DOCK3: variants seen among roughly 807,000 people sequenced by gnomAD.
The protein encoded by DOCK3 is dedicator of cytokinesis protein 3.
In DOCK3, 60 loss-of-function variants were observed where a neutral mutation model predicts 265.6. The ratio of observed to expected loss-of-function variants is 0.23; its 90% CI spans 0.18 to 0.28. The LOEUF is 0.28. Among genes scored for constraint, DOCK3 ranks in the 10% least tolerant of loss-of-function variants. The probability of loss-of-function intolerance (pLI) is 1.00; values close to 1 mark genes in which losing one functional copy is unlikely to be tolerated. For synonymous variants in DOCK3, 881 were observed against 938.0 expected (o/e 0.94, Z 1.11); for missense variants, 1,981 against 2,594.3 (o/e 0.76, Z 5.14).
chr3:51,333,380 C>T, intron 35 of DOCK3, 127 bp downstream of exon 35: 1 of 924,478 alleles, frequency 1.1e-6, no homozygotes, highest in Non-Finnish European at 1.7e-6. Context: ...TATTGGGTGC[C>T]ATCACCAGTC....
chr3:50,741,529 G>GT (rs2039027423), intron 1 of DOCK3, among the ~76,000 whole-genome samples: 1 of 149,204 alleles, frequency 6.7e-6, no homozygotes. Context: ...GCAGTGTTTG[G>GT]TTTTTTGTTC....
chr3:50,924,958 C>T (rs569536436), intron 4 of DOCK3, among the ~76,000 whole-genome samples: 1 of 152,304 alleles, frequency 6.6e-6, no homozygotes, highest in East Asian at 1.9e-4. Context: ...GGCAAGGATA[C>T]CCTCATCAGC....
intron 5 of DOCK3, among the ~76,000 whole-genome samples, chr3:50,977,545 A>G (rs199606759): frequency 1.3e-5 from 2 of 152,278 alleles, no homozygotes; most frequent in East Asian, 3.9e-4. Flanking sequence ...CTTTGAGGGT[A>G]ACCCGACCTT....
intron 5 of DOCK3, among the ~76,000 whole-genome samples, chr3:50,976,070 T>C (rs2077439845): frequency 6.6e-6 from 1 of 151,778 alleles, no homozygotes; most frequent in Non-Finnish European, 1.5e-5. Context: ...TCTATCTTTT[T>C]TGTTGATCCT....
At chr3:51,312,338 A>G in intron 29 of DOCK3, 138 bp from the exon 30 acceptor site, 2 of 896,910 alleles carry the variant, frequency 2.2e-6, no homozygotes. Flanking sequence ...TCTTGTTTGC[A>G]AAGATATTTA....
At chr3:51,064,666 C>T in intron 6 of DOCK3, 70 bp downstream of exon 6, 1 of 1,557,864 alleles carries the variant, frequency 6.4e-7, no homozygotes, top group Non-Finnish European at 8.8e-7. Context: ...GGAGTTTGCA[C>T]CTATACAAAG....
At chr3:51,313,533 G>A (rs977219133) in intron 31 of DOCK3, among the ~76,000 whole-genome samples, 1 of 152,144 alleles carries the variant, frequency 6.6e-6, no homozygotes, top group African/African-American at 2.4e-5. Context: ...AGAATTTCTG[G>A]GTTGCCCTGG....
chr3:51,266,819 T>G (rs1242767209), intron 23 of DOCK3, among the ~76,000 whole-genome samples: 1 of 152,140 alleles, frequency 6.6e-6, no homozygotes, highest in African/African-American at 2.4e-5. Context: ...AAGCCAAAAT[T>G]GACAAATGGA....
intron 1 of DOCK3, among the ~76,000 whole-genome samples, chr3:50,680,337 G>C (rs1335736084): frequency 6.7e-6 from 1 of 150,094 alleles, no homozygotes; most frequent in Non-Finnish European, 1.5e-5. Flanking sequence ...TCAGCCTTCT[G>C]AGTAGCTGGG....
At chr3:51,281,041 C>A (rs995836768) in intron 27 of DOCK3, among the ~76,000 whole-genome samples, 1 of 152,036 alleles carries the variant, frequency 6.6e-6, no homozygotes, top group African/African-American at 2.4e-5. Context: ...TCCTTCCTCC[C>A]ATTTTCCCAA....
At chr3:50,749,770 A>G (rs1226805004) in intron 1 of DOCK3, among the ~76,000 whole-genome samples, 1 of 152,226 alleles carries the variant, frequency 6.6e-6, no homozygotes, top group African/African-American at 2.4e-5. Flanking sequence ...ATGTCAGATA[A>G]AAAGTCTTGG....
At chr3:51,243,559 G>T (rs993534711) in intron 21 of DOCK3, among the ~76,000 whole-genome samples, 9 of 151,938 alleles carry the variant, frequency 5.9e-5, no homozygotes, top group Admixed American at 2.0e-4. Flanking sequence ...TTAAAAAGAG[G>T]TTATTTGTTT....
In DOCK3 at chr3:51,362,588, C is replaced by G. The variant is rs532919104; in HGVS notation, c.5207C>G (p.Ser1736Cys). The change falls in exon 49 of 53, where the codon TCC (serine) becomes TGC (cysteine). Residue 1736 changes from serine (S) to cysteine (C), a missense_variant. Ser to Cys is a moderately radical substitution (Grantham distance 112). Around this residue, in one of 4 missense-constraint regions of DOCK3, gnomAD observed 1,357 missense variants for 1,866.8 expected, o/e 0.73. Coordinates refer to ENST00000266037, the MANE Select transcript of DOCK3 (RefSeq NM_004947.5). ...SVTNVSVLSSSQASPSSSSLS... is the reference protein window; with the variant it reads ...SVTNVSVLSSCQASPSSSSLS... The stretch of plus-strand genomic sequence containing the variant: ...ACCAACGTCTCTGTTCTGTCCTCGT[C>G]CCAGGCAAGCCCTTCTTCCTCCAGC... 9 of 1,614,024 alleles carry G rather than the reference C, an allele frequency of 5.6e-6. No homozygotes were observed. The East Asian group carries it at 2.0e-4, about 36-fold the overall frequency.
At chr3:50,796,759 A>ATT (rs904043037) in intron 2 of DOCK3, among the ~76,000 whole-genome samples, 2 of 146,702 alleles carry the variant, frequency 1.4e-5, no homozygotes, top group Admixed American at 1.4e-4. Flanking sequence ...TGACCTTTAG[A>ATT]TTTTTTTTTT....
At chr3:51,079,792 A>G (rs2082167238) in intron 7 of DOCK3, among the ~76,000 whole-genome samples, 1 of 152,306 alleles carries the variant, frequency 6.6e-6, no homozygotes, top group Admixed American at 6.5e-5. Flanking sequence ...GACACCACAA[A>G]CTATTTGTGT....
intron 2 of DOCK3, among the ~76,000 whole-genome samples, chr3:50,801,799 T>C (rs2043084750): frequency 6.6e-6 from 1 of 152,222 alleles, no homozygotes; most frequent in African/African-American, 2.4e-5. Flanking sequence ...AGTGGAGTGT[T>C]GAAGTCCACA....
chr3:51,374,376 C>A lies in DOCK3; in HGVS notation c.5294-93C>A. The stretch of plus-strand genomic sequence containing the variant: ...TCCTCACCCTAACTGTAAGGGACAC[C>A]TACCCTGGTTCCCTAGTCCTGAGGA... On this transcript the variant is annotated intron_variant, in intron 49 of 52. Coordinates refer to ENST00000266037, the MANE Select transcript of DOCK3 (RefSeq NM_004947.5). This position sits in a 1 kb window ranked among gnomAD's most constrained non-coding sequence, Gnocchi z 4.8. 8.4e-7 allele frequency: 1 copy of A among 1,184,698 alleles called. No homozygotes were observed. 73.4% of individuals were successfully genotyped at this position (1,184,698 alleles called of 1,614,324 possible). A position where few individuals can be genotyped will look rare whatever the true frequency, so the allele number is the denominator to read the frequency against.
chr3:51,375,692 T>G, intron 50 of DOCK3, 56 bp from the exon 51 acceptor site: 2 of 1,601,588 alleles, frequency 1.2e-6, no homozygotes, highest in Non-Finnish European at 1.7e-6. Flanking sequence ...CAACACTGCC[T>G]CCCAAGATAT....
chr3:50,964,299 G>T (rs1196342030), intron 5 of DOCK3, among the ~76,000 whole-genome samples: 2 of 152,042 alleles, frequency 1.3e-5, no homozygotes, highest in Non-Finnish European at 1.5e-5. Flanking sequence ...TGATTAAAAA[G>T]AATAATAATC....
Sources: gnomAD v4.1 joint callset for allele counts (sites outside exome capture counted in the v4.1 genomes callset) on GRCh38, gnomAD v4.1.1 for gene constraint, gnomAD v4.1.1 regional missense constraint, Gnocchi (gnomAD v3.1) non-coding constraint, MANE v1.5 for transcripts, NCBI Gene and HGNC (gene_info 2026-07-23, HGNC 2026-07-21) for gene names.